Variants in MFAP3L observed in about 807,000 individuals in gnomAD.
MFAP3L encodes microfibril associated protein 3 like.
MFAP3L carries 5 observed loss-of-function variants against 20.0 expected under a neutral mutation model. The observed-to-expected ratio is 0.25, with a 90% confidence interval of 0.13 to 0.53. The LOEUF (loss-of-function observed/expected upper bound fraction) is 0.53. MFAP3L is among the 20% of genes least tolerant of loss of function. The pLI, the probability that MFAP3L is intolerant of heterozygous loss-of-function variation, is 0.96. For missense variants in MFAP3L, 409 were observed against 527.5 expected (o/e 0.78, Z 2.20); for synonymous variants, 219 against 213.0 (o/e 1.03, Z -0.25).
chr4:170,016,426 C>G (rs139293313), intron 1 of MFAP3L, among the ~76,000 whole-genome samples: 17 of 152,344 alleles, frequency 1.1e-4, no homozygotes, highest in African/African-American at 3.4e-4. Context: ...ATACCTGGAA[C>G]ATTTCCTTTG....
rs368188871 is a variant in MFAP3L, at chr4:170,005,706, C to G, written c.172G>C (p.Val58Leu). 6.2e-7 allele frequency: 1 copy of G among 1,614,210 alleles called. No individual in the cohort carries two copies. Among genetic ancestry groups the G allele is most frequent in the African/African-American group, 1.3e-5 (1 of 75,042 alleles). Residue 58 changes from valine (V) to leucine (L), a missense_variant, in exon 2 of 3, where the codon GTC (valine) becomes CTC (leucine). Transcript: ENST00000361618. The stretch of plus-strand genomic sequence containing the variant: ...ATCAAGGCACTGTTCCCTTCCTTGA[C>G]TATGATATGGTCAGTTCTGGCAATG... Reference protein sequence around the residue: ...VIIARTDHIIVKEGNSALINC... With the variant: ...VIIARTDHIILKEGNSALINC...
In MFAP3L at chr4:169,987,270, T is replaced by G. The variant is rs1358898442; in HGVS notation, c.*4108A>C. The stretch of plus-strand genomic sequence containing the variant: ...AGGATTTTTTAAAATGACCAGTATC[T>G]TGATGCTCAAAATATGTGAAAATAC... On this transcript the variant is annotated 3_prime_UTR_variant, in exon 3 of 3. Transcript: ENST00000361618. 1.3e-5 allele frequency: 2 copies of G among 152,320 alleles called. No individual in the cohort carries two copies. Among genetic ancestry groups the G allele is most frequent in the East Asian group, 3.9e-4 (2 of 5,188 alleles). 9.4% of individuals were successfully genotyped at this position (152,320 alleles called of 1,614,324 possible).
chr4:170,026,335 C>T lies in MFAP3L; in HGVS notation c.-235G>A, dbSNP rs1730412399. Reference sequence around the variant, plus strand: ...ACTCTGCGCCGGACGCCCGGTAGCGCCTACTGCGGGCGAGCCGCCTCCGCC... The same window carrying T: ...ACTCTGCGCCGGACGCCCGGTAGCGTCTACTGCGGGCGAGCCGCCTCCGCC... On this transcript the variant is annotated 5_prime_UTR_variant, in exon 1 of 3. Coordinates refer to ENST00000361618, the MANE Select transcript of MFAP3L (RefSeq NM_021647.8). The T allele has an allele frequency of 2.1e-6, 2 of 970,484 alleles. No individual in the cohort carries two copies. The allele number at this position is 970,484 out of a possible 1,614,324, so 60.1% of individuals were successfully genotyped here.
chr4:170,010,378 T>G (rs1739298911), intron 1 of MFAP3L, among the ~76,000 whole-genome samples: 1 of 152,220 alleles, frequency 6.6e-6, no homozygotes, highest in East Asian at 1.9e-4. Flanking sequence ...TAGAGTCTCT[T>G]GAACAGCATG....
At chr4:170,018,643 A>G (rs2111064019) in intron 1 of MFAP3L, among the ~76,000 whole-genome samples, 1 of 152,356 alleles carries the variant, frequency 6.6e-6, no homozygotes, top group South Asian at 2.1e-4. Flanking sequence ...TAATACTCAG[A>G]TGTTTTCTGG....
intron 2 of MFAP3L, chr4:169,994,470 T>C (rs1218435492): frequency 5.1e-6 from 5 of 981,408 alleles, no homozygotes; most frequent in Admixed American, 1.2e-4. Flanking sequence ...CTAATTGTTA[T>C]AGAAAAATAA....
Position 170,005,837 on chromosome 4 carries a change from G to A in MFAP3L, c.41C>T (p.Pro14Leu), listed in dbSNP as rs1428579342. 6 of 1,614,160 alleles carry A rather than the reference G, an allele frequency of 3.7e-6. No individual in the cohort carries two copies. Among genetic ancestry groups the A allele is most frequent in the Non-Finnish European group, 5.1e-6 (6 of 1,180,016 alleles). The part of the protein sequence containing the change: ...LKSHLTVCFL[P>L]SVPFLILVST... Reference sequence around the variant, plus strand: ...TACTAGGATTAAAAAGGGCACAGAAGGTAGAAAGCACACAGTCAGATGGCT... The same window carrying A: ...TACTAGGATTAAAAAGGGCACAGAAAGTAGAAAGCACACAGTCAGATGGCT... The change falls in exon 2 of 3, where the codon CCT becomes CTT. Residue 14 changes from proline to leucine, a missense_variant. Transcript: ENST00000361618.
chr4:170,014,735 G>A lies in MFAP3L; in HGVS notation c.-133-8725C>T, dbSNP rs951863863. ...AACCCGCAAGGCCTTGATAATGAAA[G>A]AGCCCTTCTCAATTCCTACCTCTCC... On this transcript the variant is annotated intron_variant, in intron 1 of 2. Transcript: ENST00000361618. 5.3e-5 allele frequency among the ~76,000 whole-genome samples: 8 copies of A among 152,232 alleles called. No homozygotes were observed. In the South Asian group the frequency reaches 1.0e-3, roughly 20 times the overall value.
intron 2 of MFAP3L, chr4:169,995,206 T>C (rs1738050011): frequency 6.6e-6 from 1 of 152,178 alleles, no homozygotes; most frequent in African/African-American, 2.4e-5. Flanking sequence ...GATTAAAACA[T>C]ACTATTACCA....
In MFAP3L at chr4:169,991,566, G is replaced by A. The variant is rs913085794; in HGVS notation, c.1042C>T (p.Leu348=). The stretch of plus-strand genomic sequence containing the variant: ...GTTTCGGGGGAATGTTCCGCCGACA[G>A]TTCTGTCTCCTCTACATCTTTGACT... The part of the protein sequence containing the change: ...FEVKDVEETE[L]SAEHSPETAE... The change falls in exon 3 of 3, where the codon CTG becomes TTG. Residue 348 remains leucine (L), a synonymous_variant. Transcript: ENST00000361618. The surrounding 1 kb of genome is among the most constrained non-coding windows in gnomAD (Gnocchi z 4.9). The A allele has an allele frequency of 6.2e-7, 1 of 1,614,170 alleles. No individual in the cohort carries two copies. Among genetic ancestry groups the A allele is most frequent in the Non-Finnish European group, 8.5e-7 (1 of 1,180,040 alleles).
chr4:170,023,828 A>G (rs930111406), intron 1 of MFAP3L, among the ~76,000 whole-genome samples: 30 of 152,258 alleles, frequency 2.0e-4, no homozygotes, highest in Non-Finnish European at 5.9e-5. Context: ...AAAAAGTAGA[A>G]TAAAAAGTCC....
At chr4:170,023,075 A>G (rs556127052) in intron 1 of MFAP3L, among the ~76,000 whole-genome samples, 1 of 152,302 alleles carries the variant, frequency 6.6e-6, no homozygotes, top group African/African-American at 2.4e-5. Flanking sequence ...TCTGCTTAGA[A>G]GACTTCTAAT....
At chr4:170,021,661 A>G (rs1740044807) in intron 1 of MFAP3L, among the ~76,000 whole-genome samples, 1 of 152,230 alleles carries the variant, frequency 6.6e-6, no homozygotes, top group Middle Eastern at 3.2e-3. Context: ...AGATAGAAGA[A>G]TCCTTCAGTT....
chr4:170,015,032 C>T (rs1227745063), intron 1 of MFAP3L, among the ~76,000 whole-genome samples: 5 of 152,110 alleles, frequency 3.3e-5, no homozygotes, highest in African/African-American at 9.7e-5. Context: ...CTCCTGCAGC[C>T]GTGGAGCTGA....
Position 169,988,817 on chromosome 4 carries a change from C to A in MFAP3L, c.*2561G>T, listed in dbSNP as rs1262595686. On this transcript the variant is annotated 3_prime_UTR_variant, in exon 3 of 3. Transcript: ENST00000361618. ...AGAGGGAGAAAGTTTTGAAAATCTACATAAGCTCTCCCCACTGCAGTCTAA... is the reference window on the plus strand; with the variant it reads ...AGAGGGAGAAAGTTTTGAAAATCTAAATAAGCTCTCCCCACTGCAGTCTAA... 1 of 152,180 alleles carries A rather than the reference C, an allele frequency of 6.6e-6. No individual in the cohort carries two copies. The allele number at this position is 152,180 out of a possible 1,614,324, so 9.4% of individuals were successfully genotyped here.
At chr4:170,012,971 G>T (rs1459572488) in intron 1 of MFAP3L, among the ~76,000 whole-genome samples, 6 of 151,034 alleles carry the variant, frequency 4.0e-5, no homozygotes, top group Admixed American at 3.3e-4. Context: ...TTTTTTTTTT[G>T]ATACACAGAA....
intron 1 of MFAP3L, among the ~76,000 whole-genome samples, chr4:170,025,293 A>G (rs1231116060): frequency 6.6e-6 from 1 of 152,216 alleles, no homozygotes; most frequent in Non-Finnish European, 1.5e-5. Flanking sequence ...AATGTGTTTC[A>G]TCTAGAAACA....
chr4:169,993,222 C>T (rs1308515196), intron 2 of MFAP3L, among the ~76,000 whole-genome samples: 7 of 152,174 alleles, frequency 4.6e-5, no homozygotes, highest in African/African-American at 7.2e-5. Context: ...TGATACTAGA[C>T]GTGGCTTCAG....
At chr4:170,022,787 G>C (rs1740117614) in intron 1 of MFAP3L, among the ~76,000 whole-genome samples, 1 of 152,120 alleles carries the variant, frequency 6.6e-6, no homozygotes, top group African/African-American at 2.4e-5. Flanking sequence ...AGGAATGGGG[G>C]TGGCCTCTAG....
Sources: allele counts gnomAD v4.1 joint callset (sites outside exome capture counted in the v4.1 genomes callset), GRCh38; gene constraint gnomAD v4.1.1; non-coding constraint Gnocchi (gnomAD v3.1); transcripts MANE v1.5; gene names NCBI Gene and HGNC (gene_info 2026-07-23, HGNC 2026-07-21).